The following PPFIA4 variants were observed in gnomAD, a reference collection of about 807,000 sequenced individuals.
The protein encoded by PPFIA4 is liprin-alpha-4.
In PPFIA4, 98 loss-of-function variants were observed where a neutral mutation model predicts 145.7. That is an observed-to-expected ratio of 0.67 (90% CI 0.57 to 0.80). The LOEUF (loss-of-function observed/expected upper bound fraction) is 0.80. PPFIA4 is among the 30% of genes least tolerant of loss of function. PPFIA4 has a pLI of 0.00. For synonymous variants in PPFIA4, 628 were observed against 649.6 expected, an observed-to-expected ratio of 0.97 and a Z score of 0.51; for missense variants, 1,457 against 1,632.7, an observed-to-expected ratio of 0.89 and a Z score of 1.85.
At chr1:203,027,796 G>A (rs1658512911) in intron 1 of PPFIA4, among the ~76,000 whole-genome samples, 1 of 152,186 alleles carries the variant, frequency 6.6e-6, no homozygotes, top group Non-Finnish European at 1.5e-5. Flanking sequence ...ACACATAGCA[G>A]GTATTCTGTT....
In PPFIA4 at chr1:203,039,299, G is replaced by A; in HGVS notation, c.234+57G>A. 4 of 1,316,442 alleles carry A rather than the reference G, an allele frequency of 3.0e-6. No individual in the cohort carries two copies. In the South Asian group the frequency reaches 6.0e-5, roughly 20 times the overall value. 81.5% of individuals were successfully genotyped at this position (1,316,442 alleles called of 1,614,324 possible). A position where few individuals can be genotyped will look rare whatever the true frequency, so the allele number is the denominator to read the frequency against. On this transcript the variant is annotated intron_variant, in intron 2 of 29. Coordinates refer to ENST00000295706, the MANE Select transcript of PPFIA4 (RefSeq NM_001304331.2). ...CCCTTTCCCTCCTCTAGCCCTGCTA[G>A]ATCCACTGGGCCCTCAGCTCATCTG...
chr1:203,074,639 G>A (rs1662395513), intron 28 of PPFIA4, among the ~76,000 whole-genome samples: 1 of 152,146 alleles, frequency 6.6e-6, no homozygotes, highest in South Asian at 2.1e-4. Context: ...GAACAGGTGG[G>A]TGAATGTCCA....
At position 203,046,251 on chromosome 1, in the gene PPFIA4, G is replaced by A; in HGVS notation, c.1009G>A (p.Glu337Lys). 1 of 1,590,760 alleles carries A rather than the reference G, an allele frequency of 6.3e-7. No homozygotes were observed. The highest frequency in any genetic ancestry group is 2.3e-5 in the East Asian group (1 of 43,640). Residue 337 changes from glutamate to lysine, a missense_variant, in exon 9 of 30, where the codon GAG becomes AAG. Transcript: ENST00000295706. ...TTCACCACCCCCACATTGCTAGTGT[G>A]AGGAGAAGGCCCGACACCTGCAGGA... Reference protein sequence around the residue: ...ANKESLHRQCEEKARHLQELL... With the variant: ...ANKESLHRQCKEKARHLQELL...
rs367603934 is a variant in PPFIA4, at chr1:203,046,045, G to A, written c.1005+58G>A. ...TGTACTTAGCCCTGGAGGTGTCCTC[G>A]TGAACCTACTGGTGATGGCTGAGGA... is the stretch of plus-strand genomic sequence containing the variant. On this transcript the variant is annotated intron_variant, in intron 8 of 29. Coordinates refer to ENST00000295706, the MANE Select transcript of PPFIA4 (RefSeq NM_001304331.2). 5.5e-4 allele frequency: 888 copies of A among 1,607,378 alleles called. 11 individuals are homozygous for A. In the South Asian group the frequency reaches 8.0e-3, roughly 14 times the overall value.
In PPFIA4 at chr1:203,061,441, T is replaced by G. The variant is rs1369165649; in HGVS notation, c.2848-211T>G. The G allele has an allele frequency of 1.1e-5, 6 of 532,706 alleles. No individual in the cohort carries two copies. In the East Asian group the frequency reaches 2.0e-4, roughly 17 times the overall value. The allele number at this position is 532,706 out of a possible 1,614,324, so 33.0% of individuals were successfully genotyped here. ...CAGTCAAGCCTGGGAGGTGTGTGTT[T>G]TTGCCACACACACATTTGCCCCACC... On this transcript the variant is annotated intron_variant, in intron 23 of 29. Transcript: ENST00000295706.
chr1:203,054,683 C>CACACA (rs1380819324), intron 15 of PPFIA4, among the ~76,000 whole-genome samples: 5 of 151,624 alleles, frequency 3.3e-5, no homozygotes, highest in Non-Finnish European at 7.4e-5. Context: ...CACACACACA[C>CACACA]ACACACACAC....
chr1:203,071,602 CT>C, intron 27 of PPFIA4, 89 bp from the exon 28 acceptor site: 2 of 1,064,722 alleles, frequency 1.9e-6, no homozygotes, highest in East Asian at 5.2e-5. Flanking sequence ...CATCTCTGAC[CT>C]TGGACCCTTG....
At chr1:203,033,526 C>T (rs1423046484) in intron 1 of PPFIA4, among the ~76,000 whole-genome samples, 3 of 152,092 alleles carry the variant, frequency 2.0e-5, no homozygotes, top group Non-Finnish European at 1.5e-5. Flanking sequence ...ATCCTGTGTC[C>T]CAGCTGTCTG....
At chr1:203,040,223 A>C (rs1659603090) in intron 2 of PPFIA4, among the ~76,000 whole-genome samples, 1 of 152,204 alleles carries the variant, frequency 6.6e-6, no homozygotes. Context: ...GACTGTGGGA[A>C]CATCCTGCCC....
At chr1:203,030,342 C>G (rs1355917529) in intron 1 of PPFIA4, among the ~76,000 whole-genome samples, 4 of 152,072 alleles carry the variant, frequency 2.6e-5, no homozygotes, top group Non-Finnish European at 4.4e-5. Flanking sequence ...CTCCTTTGGC[C>G]TAGAGGAGCG....
intron 25 of PPFIA4, chr1:203,067,440 C>CT (rs1482264607): frequency 6.8e-6 from 3 of 443,598 alleles, no homozygotes; most frequent in East Asian, 3.7e-5. Context: ...ATTCAAAGAA[C>CT]TTTTTTTCCC....
In PPFIA4 at chr1:203,048,691, C is replaced by T. The variant is rs781543161; in HGVS notation, c.1333C>T (p.Arg445Cys). 39 of 1,610,360 alleles carry T rather than the reference C, an allele frequency of 2.4e-5. No homozygotes were observed. Among genetic ancestry groups the T allele is most frequent in the Middle Eastern group, 1.7e-4 (1 of 5,998 alleles). ...GCGTCTGCAGCTCCACCTGAAGGAGCGCATGGCTGCCCTGGAGGAGAAGGT... is the reference window on the plus strand; with the variant it reads ...GCGTCTGCAGCTCCACCTGAAGGAGTGCATGGCTGCCCTGGAGGAGAAGGT... ...NERLQLHLKERMAALEEKNTL... is the reference protein window; with the variant it reads ...NERLQLHLKECMAALEEKNTL... The change falls in exon 11 of 30, where the codon CGC becomes TGC. Residue 445 changes from arginine to cysteine, a missense_variant. Physicochemically the swap from Arg to Cys is radical, Grantham distance 180. Coordinates refer to ENST00000295706, the MANE Select transcript of PPFIA4 (RefSeq NM_001304331.2). The surrounding 1 kb of genome is among the most constrained non-coding windows in gnomAD (Gnocchi z 5.8).
rs925078183 is a variant in PPFIA4 at position 203,053,858 on chromosome 1, C to G, written c.1726C>G (p.Leu576Val). ...SDVDEDEPGG[L>V]VGSADVVSPS... ...CGTGGATGAGGATGAGCCAGGGGGT[C>G]TGGTGGGCTCTGCGGATGTTGTCTC... Residue 576 changes from leucine (L) to valine (V), a missense_variant, in exon 15 of 30, where the codon CTG becomes GTG. This residue lies in a region of PPFIA4 where 848 missense variants were observed against 1,046.7 expected (regional missense o/e 0.81). Coordinates refer to ENST00000295706, the MANE Select transcript of PPFIA4 (RefSeq NM_001304331.2). 3.2e-6 allele frequency: 5 copies of G among 1,556,400 alleles called. No individual in the cohort carries two copies. The highest frequency in any genetic ancestry group is 4.3e-6 in the Non-Finnish European group (5 of 1,149,506).
intron 26 of PPFIA4, 23 bp downstream of exon 26, chr1:203,067,815 G>C (rs1387369341): frequency 6.2e-7 from 1 of 1,609,874 alleles, no homozygotes; most frequent in Non-Finnish European, 8.5e-7. Context: ...GGCTTGGAGA[G>C]GGTTCGGGAG....
intron 1 of PPFIA4, among the ~76,000 whole-genome samples, chr1:203,033,848 G>C (rs1659021034): frequency 6.6e-6 from 1 of 152,184 alleles, no homozygotes; most frequent in African/African-American, 2.4e-5. Flanking sequence ...GCCAGATGTG[G>C]TGGCGTGCAC....
In PPFIA4 at chr1:203,053,949, A is replaced by G. The variant is rs1660725288; in HGVS notation, c.1817A>G (p.Asn606Ser). The G allele has an allele frequency of 6.4e-7, 1 of 1,564,318 alleles. No homozygotes were observed. ...MMLQEQLDAI[N>S]EEIRMIQEEK... ...CTGCAGGAGCAGCTGGATGCCATCAATGAGGAAATCAGGTTAGGGCAGGGC... is the reference window on the plus strand; with the variant it reads ...CTGCAGGAGCAGCTGGATGCCATCAGTGAGGAAATCAGGTTAGGGCAGGGC... The change falls in exon 15 of 30, where the codon AAT becomes AGT. Residue 606 changes from asparagine to serine, a missense_variant. Coordinates refer to ENST00000295706, the MANE Select transcript of PPFIA4 (RefSeq NM_001304331.2).
chr1:203,039,204 G>A lies in PPFIA4; in HGVS notation c.196G>A (p.Asp66Asn), dbSNP rs768997968. 1.2e-6 allele frequency: 2 copies of A among 1,604,758 alleles called. No homozygotes were observed. The highest frequency in any genetic ancestry group is 2.2e-5 in the South Asian group (2 of 89,648). Reference sequence around the variant, plus strand: ...GCTCCAGGATGCCATACACGAGCGGGACCAGCTCCAGCGCCACCTTAACTC... The same window carrying A: ...GCTCCAGGATGCCATACACGAGCGGAACCAGCTCCAGCGCCACCTTAACTC... ...SRLQDAIHER[D>N]QLQRHLNSAL... is the part of the protein sequence containing the mutation. The change falls in exon 2 of 30, where the codon GAC becomes AAC. Residue 66 changes from aspartate (D) to asparagine (N), a missense_variant. Around this residue, in one of 3 missense-constraint regions of PPFIA4, gnomAD observed 463 missense variants for 459.8 expected, o/e 1.01. Transcript: ENST00000295706.
chr1:203,049,602 C>G, intron 12 of PPFIA4, 74 bp from the exon 13 acceptor site: 1 of 1,252,796 alleles, frequency 8.0e-7, no homozygotes, highest in Non-Finnish European at 1.1e-6. Flanking sequence ...CTTTGTCCCT[C>G]TCTGACTCCC....
intron 12 of PPFIA4, among the ~76,000 whole-genome samples, chr1:203,049,285 T>C (rs1660321713): frequency 1.3e-5 from 2 of 152,292 alleles, no homozygotes; most frequent in South Asian, 4.1e-4. Context: ...AGCCAGAGCC[T>C]GGTGATTCTG....
Sources: gnomAD v4.1 joint callset for allele counts (sites outside exome capture counted in the v4.1 genomes callset) on GRCh38, gnomAD v4.1.1 for gene constraint, gnomAD v4.1.1 regional missense constraint, Gnocchi (gnomAD v3.1) non-coding constraint, MANE v1.5 for transcripts, NCBI Gene and HGNC (gene_info 2026-07-23, HGNC 2026-07-21) for gene names.